BANK1: variants seen among roughly 807,000 people sequenced by gnomAD.
BANK1 encodes the protein B cell scaffold protein with ankyrin repeats 1.
In BANK1, 95 loss-of-function variants were observed where a neutral mutation model predicts 94.5. The observed-to-expected ratio is 1.00, with a 90% CI of 0.85 to 1.19. BANK1 has a LOEUF of 1.19. Ranked by LOEUF, BANK1 falls within the 50% of genes most tolerant of loss-of-function variation. BANK1 has a pLI of 0.00. For missense variants in BANK1, 987 were observed against 932.2 expected (o/e 1.06, Z -0.77); for synonymous variants, 334 against 308.4 (o/e 1.08, Z -0.87).
chr4:101,935,364 C>G (rs563174179), intron 7 of BANK1, among the ~76,000 whole-genome samples: 6 of 151,468 alleles, frequency 4.0e-5, no homozygotes, highest in Non-Finnish European at 8.9e-5. Flanking sequence ...TTTCTGTGGG[C>G]TGTTAACTTG....
intron 2 of BANK1, among the ~76,000 whole-genome samples, chr4:101,846,173 C>T (rs575433721): frequency 1.3e-5 from 2 of 152,264 alleles, no homozygotes; most frequent in South Asian, 4.1e-4. Flanking sequence ...TGGGAACCAA[C>T]CCAAATGTCC....
At chr4:101,960,810 G>A (rs1233093552) in intron 7 of BANK1, among the ~76,000 whole-genome samples, 5 of 152,120 alleles carry the variant, frequency 3.3e-5, no homozygotes, top group Admixed American at 6.6e-5. Context: ...TATATGTAAG[G>A]AGCAAAGACT....
chr4:101,840,038 G>A (rs1339477976), intron 2 of BANK1, among the ~76,000 whole-genome samples: 1 of 115,720 alleles, frequency 8.6e-6, no homozygotes, highest in African/African-American at 3.2e-5. Context: ...GCGGGATCTC[G>A]GCTCACTGCA....
At chr4:102,000,100 G>C (rs988117851) in intron 7 of BANK1, among the ~76,000 whole-genome samples, 10 of 152,016 alleles carry the variant, frequency 6.6e-5, no homozygotes, top group African/African-American at 2.4e-4. Context: ...AAGACAGGCC[G>C]ATCATCTGAG....
intron 6 of BANK1, among the ~76,000 whole-genome samples, chr4:101,911,980 G>A (rs1387593575): frequency 6.6e-6 from 1 of 152,044 alleles, no homozygotes; most frequent in Non-Finnish European, 1.5e-5. Flanking sequence ...ACAGGAAATA[G>A]GCTCTCTAAT....
chr4:101,918,098 C>G lies in BANK1; in HGVS notation c.1115C>G (p.Ser372Cys). The G allele has an allele frequency of 6.2e-7, 1 of 1,612,148 alleles. No homozygotes were observed. Among genetic ancestry groups the G allele is most frequent in the South Asian group, 1.1e-5 (1 of 90,912 alleles). ...CAATGTTCAGGAGCAACCTGGGCAT[C>G]TAAGATGAAAAATATGGAGGGTTCA... ...LLQCSGATWA[S>C]KMKNMEGSDP... The change falls in exon 7 of 17, where the codon TCT (serine) becomes TGT (cysteine). Residue 372 changes from serine (S) to cysteine (C), a missense_variant. By Grantham distance (112) the Ser-to-Cys change is moderately radical. Coordinates refer to ENST00000322953, the MANE Select transcript of BANK1 (RefSeq NM_017935.5).
At chr4:101,810,736 G>A (rs749318329) in intron 1 of BANK1, among the ~76,000 whole-genome samples, 2 of 152,078 alleles carry the variant, frequency 1.3e-5, no homozygotes, top group Non-Finnish European at 2.9e-5. Context: ...GTACAAATAT[G>A]TATTTATTTT....
chr4:101,890,838 GTATTA>G (rs1289558190), intron 5 of BANK1, among the ~76,000 whole-genome samples: 2 of 150,032 alleles, frequency 1.3e-5, no homozygotes, highest in African/African-American at 4.9e-5. Context: ...GTTGATGTAG[GTATTA>G]TATTATATAT....
intron 13 of BANK1, among the ~76,000 whole-genome samples, chr4:102,064,057 C>T (rs372764931): frequency 3.9e-5 from 6 of 152,030 alleles, no homozygotes; most frequent in East Asian, 1.9e-4. Context: ...AAATAAATTA[C>T]GTTATCACTA....
intron 7 of BANK1, among the ~76,000 whole-genome samples, chr4:101,998,158 C>G (rs1725944142): frequency 6.6e-6 from 1 of 151,984 alleles, no homozygotes; most frequent in South Asian, 2.1e-4. Context: ...TTATTTATGC[C>G]TTAATTTCGT....
chr4:101,803,406 A>G (rs965790726), intron 1 of BANK1, among the ~76,000 whole-genome samples: 17 of 152,126 alleles, frequency 1.1e-4, no homozygotes, highest in African/African-American at 3.9e-4. Context: ...CAATTTTTCT[A>G]TTTCTTAAAT....
intron 7 of BANK1, among the ~76,000 whole-genome samples, chr4:101,960,422 G>A (rs1405250837): frequency 6.6e-6 from 1 of 152,078 alleles, no homozygotes; most frequent in East Asian, 1.9e-4. Context: ...GGTTAAGAAT[G>A]CTAGAAGTCA....
chr4:101,791,551 G>A (rs1049294971), intron 1 of BANK1, among the ~76,000 whole-genome samples: 3 of 152,178 alleles, frequency 2.0e-5, no homozygotes, highest in African/African-American at 7.2e-5. Context: ...TCAAATGGAC[G>A]TTAAGGCAGT....
intron 1 of BANK1, among the ~76,000 whole-genome samples, chr4:101,823,357 A>G (rs746993837): frequency 2.0e-5 from 3 of 152,240 alleles, no homozygotes; most frequent in African/African-American, 4.8e-5. Context: ...ATGAATATAT[A>G]TACTTACCTT....
chr4:101,828,068 G>A, intron 1 of BANK1, among the ~76,000 whole-genome samples: 1 of 151,390 alleles, frequency 6.6e-6, no homozygotes, highest in East Asian at 1.9e-4. Flanking sequence ...GCACACTATT[G>A]TTCCAAATAG....
intron 7 of BANK1, among the ~76,000 whole-genome samples, chr4:101,992,896 C>T (rs1372517855): frequency 6.6e-6 from 1 of 152,180 alleles, no homozygotes; most frequent in Non-Finnish European, 1.5e-5. Flanking sequence ...AACCAACTAT[C>T]TCTGTCGCCC....
Position 101,840,488 on chromosome 4 carries a change from G to A in BANK1, c.469+10282G>A, listed in dbSNP as rs965651195. Among the ~76,000 whole-genome samples the A allele has an allele frequency of 2.0e-5, 3 of 152,140 alleles. No homozygotes were observed. The South Asian group carries it at 6.2e-4, about 31-fold the overall frequency. ...CCGTGACACACATGCTGAAGGTTGT[G>A]TGTTTACCAGAATGAGGGTAAGAAG... On this transcript the variant is annotated intron_variant, in intron 2 of 16. Transcript: ENST00000322953.
At position 101,947,356 on chromosome 4, in the gene BANK1, A is replaced by G. The variant is rs532717306; in HGVS notation, c.1206+29167A>G. Among the ~76,000 whole-genome samples, 175 of 139,948 alleles carry G rather than the reference A, an allele frequency of 1.3e-3. 1 individual carries two copies. The highest frequency in any genetic ancestry group is 4.0e-3 in the African/African-American group (154 of 38,336). 91.8% of individuals were successfully genotyped at this position (139,948 alleles called of 152,430 possible). On this transcript the variant is annotated intron_variant, in intron 7 of 16. Coordinates refer to ENST00000322953, the MANE Select transcript of BANK1 (RefSeq NM_017935.5). ...ATATTCTTCATCATATTCAGGAGTG[A>G]CACTCTTCATCTGGTAAAGGATTGA...
chr4:101,819,409 A>G (rs1014217738), intron 1 of BANK1, among the ~76,000 whole-genome samples: 1 of 152,146 alleles, frequency 6.6e-6, no homozygotes, highest in Non-Finnish European at 1.5e-5. Flanking sequence ...ATGAATTTCC[A>G]TTATAGCAAC....
Sources: gnomAD v4.1 joint callset for allele counts (sites outside exome capture counted in the v4.1 genomes callset) on GRCh38, gnomAD v4.1.1 for gene constraint, MANE v1.5 for transcripts, NCBI Gene and HGNC (gene_info 2026-07-23, HGNC 2026-07-21) for gene names.